Variants in HSPA4 observed in about 807,000 individuals in gnomAD.
HSPA4 encodes heat shock 70 kDa protein 4.
A neutral mutation model predicts 106.2 loss-of-function variants in HSPA4; 25 were observed. That is an observed-to-expected ratio of 0.24 (90% CI 0.17 to 0.33). The LOEUF is 0.33. Ranked by LOEUF, HSPA4 falls within the 10% of genes least tolerant of loss-of-function variation. The pLI is 1.00. For missense variants in HSPA4, 841 were observed against 996.0 expected, an observed-to-expected ratio of 0.84 and a Z score of 2.10; for synonymous variants, 332 against 333.6, an observed-to-expected ratio of 1.00 and a Z score of 0.05.
intron 2 of HSPA4, 80 bp downstream of exon 2, chr5:133,065,117 T>C: frequency 8.6e-7 from 1 of 1,164,426 alleles, no homozygotes; most frequent in Admixed American, 1.7e-5. Flanking sequence ...ATGCCCATTA[T>C]GTGCCTAACA....
chr5:133,095,313 C>CA lies in HSPA4; in HGVS notation c.1651-777dup, dbSNP rs544853985. Among the ~76,000 whole-genome samples the CA allele has an allele frequency of 4.9e-3, 739 of 151,740 alleles. 6 individuals carry two copies. Among genetic ancestry groups the CA allele is most frequent in the African/African-American group, 0.017 (721 of 41,414 alleles). Reference sequence around the variant, plus strand: ...CGAGACTCCATCTCAAAAAAACAAACAAAAAAAACTAGAAGAGTCAGTTGT... The same window carrying CA: ...CGAGACTCCATCTCAAAAAAACAAACAAAAAAAAACTAGAAGAGTCAGTTGT... On this transcript the variant is annotated intron_variant, in intron 13 of 18. Coordinates refer to ENST00000304858, the MANE Select transcript of HSPA4 (RefSeq NM_002154.4).
In HSPA4 at chr5:133,101,809, A is replaced by G; in HGVS notation, c.2088A>G (p.Pro696=). 1.9e-6 allele frequency: 3 copies of G among 1,608,330 alleles called. No individual in the cohort carries two copies. Among genetic ancestry groups the G allele is most frequent in the Non-Finnish European group, 2.6e-6 (3 of 1,176,030 alleles). ...KIRFQESEER[P]KLFEELGKQI... is the part of the protein sequence containing the mutation. ...GTTTCCAGGAATCTGAAGAACGACCAAAATTATTTGAAGAACTAGGGAAAC... is the reference window on the plus strand; with the variant it reads ...GTTTCCAGGAATCTGAAGAACGACCGAAATTATTTGAAGAACTAGGGAAAC... Residue 696 remains proline, a synonymous_variant, in exon 17 of 19, where the codon CCA becomes CCG. Transcript: ENST00000304858.
Position 133,066,736 on chromosome 5 carries a change from C to CT in HSPA4, c.166-664dup, listed in dbSNP as rs58483780. ...TGGAATTTTTTTTCTTTTCTTTTTT[C>CT]TTTTTTTTTTTTTTTTTGAGAGTGC... is the stretch of plus-strand genomic sequence containing the variant. On this transcript the variant is annotated intron_variant, in intron 2 of 18. Transcript: ENST00000304858. Among the ~76,000 whole-genome samples, 1,290 of 129,352 alleles carry CT rather than the reference C, an allele frequency of 1.0e-2. 13 individuals carry two copies. Among genetic ancestry groups the CT allele is most frequent in the South Asian group, 0.019 (79 of 4,118 alleles). 84.9% of individuals were successfully genotyped at this position (129,352 alleles called of 152,430 possible).
intron 4 of HSPA4, among the ~76,000 whole-genome samples, chr5:133,072,026 T>A (rs977499579): frequency 6.6e-6 from 1 of 152,174 alleles, no homozygotes; most frequent in African/African-American, 2.4e-5. Context: ...CATAACACTC[T>A]GTGTGGGAGT....
chr5:133,057,068 A>G (rs938355878), intron 1 of HSPA4, among the ~76,000 whole-genome samples: 1 of 152,214 alleles, frequency 6.6e-6, no homozygotes, highest in Admixed American at 6.5e-5. Context: ...TTTAAAGTGC[A>G]AAGGTTAATT....
chr5:133,095,980 G>A, intron 13 of HSPA4, 118 bp from the exon 14 acceptor site: 1 of 728,752 alleles, frequency 1.4e-6, no homozygotes, highest in South Asian at 2.4e-5. Context: ...AAGTTACTTA[G>A]ATCATCATCA....
At chr5:133,056,424 C>T (rs1765165650) in intron 1 of HSPA4, among the ~76,000 whole-genome samples, 2 of 152,088 alleles carry the variant, frequency 1.3e-5, no homozygotes, top group Admixed American at 1.3e-4. Context: ...CGGTCATGTG[C>T]ATACATGCGG....
At chr5:133,087,507 A>G (rs1765590858) in intron 8 of HSPA4, among the ~76,000 whole-genome samples, 5 of 152,234 alleles carry the variant, frequency 3.3e-5, no homozygotes, top group Admixed American at 3.3e-4. Flanking sequence ...TGGTTGTTAG[A>G]TAAAATGTGA....
At chr5:133,080,340 A>G (rs1309731212) in intron 7 of HSPA4, among the ~76,000 whole-genome samples, 1 of 143,740 alleles carries the variant, frequency 7.0e-6, no homozygotes, top group East Asian at 2.2e-4. Context: ...ACCTGAGCTT[A>G]GTAAGTCGAG....
chr5:133,054,879 C>T (rs1223311361), intron 1 of HSPA4, among the ~76,000 whole-genome samples: 1 of 152,278 alleles, frequency 6.6e-6, no homozygotes, highest in East Asian at 1.9e-4. Flanking sequence ...TTGGTCCTTT[C>T]CTGCCCTGTG....
chr5:133,068,720 G>T (rs1765343452), intron 3 of HSPA4, among the ~76,000 whole-genome samples: 1 of 152,102 alleles, frequency 6.6e-6, no homozygotes, highest in Admixed American at 6.6e-5. Flanking sequence ...AGAGAAAGGG[G>T]TTAAAAAGGG....
chr5:133,054,891 T>C (rs62375202), intron 1 of HSPA4, among the ~76,000 whole-genome samples: 33,200 of 152,134 alleles, frequency 0.22, 3,772 homozygotes, highest in South Asian at 0.26. Flanking sequence ...TGCCCTGTGA[T>C]TGAACACGCT....
chr5:133,064,095 G>A (rs938815537), intron 1 of HSPA4, among the ~76,000 whole-genome samples: 8 of 152,196 alleles, frequency 5.3e-5, no homozygotes, highest in Non-Finnish European at 1.2e-4. Context: ...TAACCTTCAA[G>A]CAGGTTTCAG....
rs770822104 is a variant in HSPA4, at chr5:133,089,150, A to G, written c.1233A>G (p.Glu411=). 6.4e-7 allele frequency: 1 copy of G among 1,565,942 alleles called. No homozygotes were observed. The highest frequency in any genetic ancestry group is 1.1e-5 in the South Asian group (1 of 87,258). ...CTCTGAGATGGAATTCTCCAGCTGA[A>G]GAAGGGTCAAGGTATCATGTTTATT... The part of the protein sequence containing the change: ...PISLRWNSPA[E]EGSSDCEVFS... Residue 411 remains glutamate (E), a synonymous_variant, in exon 10 of 19, where the codon GAA becomes GAG. Coordinates refer to ENST00000304858, the MANE Select transcript of HSPA4 (RefSeq NM_002154.4).
At chr5:133,058,157 C>T (rs1229393465) in intron 1 of HSPA4, among the ~76,000 whole-genome samples, 9 of 151,730 alleles carry the variant, frequency 5.9e-5, no homozygotes, top group African/African-American at 1.9e-4. Flanking sequence ...TTTGGGAGGC[C>T]GAGGCAGGAG....
At position 133,086,841 on chromosome 5, in the gene HSPA4, G is replaced by A. The variant is rs145181720; in HGVS notation, c.968G>A (p.Ser323Asn). ...LLARVEPPLRSVLEQTKLKKE... is the reference protein window; with the variant it reads ...LLARVEPPLRNVLEQTKLKKE... Reference sequence around the variant, plus strand: ...GCTAGAGTGGAGCCACCACTTCGTAGTGTTTTGGAACAAACCAGTAAGTAT... The same window carrying A: ...GCTAGAGTGGAGCCACCACTTCGTAATGTTTTGGAACAAACCAGTAAGTAT... The change falls in exon 8 of 19, where the codon AGT becomes AAT. Residue 323 changes from serine to asparagine, a missense_variant. Transcript: ENST00000304858. 295 of 1,612,410 alleles carry A rather than the reference G, an allele frequency of 1.8e-4. No homozygotes were observed. Among genetic ancestry groups the A allele is most frequent in the Non-Finnish European group, 1.7e-4 (196 of 1,178,648 alleles).
At chr5:133,068,659 A>AT (rs1765342740) in intron 3 of HSPA4, among the ~76,000 whole-genome samples, 1 of 152,214 alleles carries the variant, frequency 6.6e-6, no homozygotes. Flanking sequence ...ATCTGTGGTA[A>AT]TTAAGGACAG....
chr5:133,066,861 C>T (rs564467186), intron 2 of HSPA4, among the ~76,000 whole-genome samples: 70 of 151,542 alleles, frequency 4.6e-4, no homozygotes, highest in Non-Finnish European at 8.2e-4. Context: ...GTTACAGGTG[C>T]GCACCACCAT....
chr5:133,089,091 T>A lies in HSPA4; in HGVS notation c.1174T>A (p.Phe392Ile), dbSNP rs1157517502. 10 of 1,601,846 alleles carry A rather than the reference T, an allele frequency of 6.2e-6. No individual in the cohort carries two copies. The highest frequency in any genetic ancestry group is 8.5e-6 in the Non-Finnish European group (10 of 1,174,274). The change falls in exon 10 of 19, where the codon TTT (phenylalanine) becomes ATT (isoleucine). Residue 392 changes from phenylalanine (F) to isoleucine (I), a missense_variant. Physicochemically the swap from Phe to Ile is conservative, Grantham distance 21. Transcript: ENST00000304858. ...ATCGCCTGCTTTCAAAGTCAGAGAATTTTCTATCACTGATGTAGTACCATA... is the reference window on the plus strand; with the variant it reads ...ATCGCCTGCTTTCAAAGTCAGAGAAATTTCTATCACTGATGTAGTACCATA... ...ILSPAFKVRE[F>I]SITDVVPYPI...
Sources: allele counts gnomAD v4.1 joint callset (sites outside exome capture counted in the v4.1 genomes callset), GRCh38; gene constraint gnomAD v4.1.1; transcripts MANE v1.5; gene names NCBI Gene and HGNC (gene_info 2026-07-23, HGNC 2026-07-21).